GRB10: variants seen among roughly 807,000 people sequenced by gnomAD.
The protein encoded by GRB10 is growth factor receptor bound protein 10.
Under a neutral mutation model 80.9 loss-of-function variants are expected in GRB10, and 20 were observed. The observed-to-expected ratio is 0.25, with a 90% CI of 0.17 to 0.36. The LOEUF (loss-of-function observed/expected upper bound fraction) is 0.36, where lower values mean the gene tolerates loss of function less well. Ranked by LOEUF, GRB10 falls within the 10% of genes least tolerant of loss-of-function variation. The pLI is 1.00. For synonymous variants in GRB10, 291 were observed against 291.5 expected, an observed-to-expected ratio of 1.00 and a Z score of 0.02; for missense variants, 548 against 747.7, an observed-to-expected ratio of 0.73 and a Z score of 3.12.
intron 5 of GRB10, among the ~76,000 whole-genome samples, chr7:50,683,713 G>C (rs1369971452): frequency 2.6e-5 from 4 of 151,666 alleles, no homozygotes; most frequent in African/African-American, 9.7e-5. Context: ...TTCCAGCCTG[G>C]GTGACAGAGC....
chr7:50,724,036 C>T (rs1365295660), intron 4 of GRB10, among the ~76,000 whole-genome samples: 2 of 152,220 alleles, frequency 1.3e-5, no homozygotes, highest in Non-Finnish European at 2.9e-5. Context: ...TGGGAGGGCA[C>T]AGATGCTGTC....
chr7:50,615,555 G>A (rs760671926), intron 11 of GRB10, among the ~76,000 whole-genome samples: 1 of 152,182 alleles, frequency 6.6e-6, no homozygotes, highest in Non-Finnish European at 1.5e-5. Context: ...CACCTGTGCT[G>A]GGGTCCCGCC....
chr7:50,616,190 T>C lies in GRB10; in HGVS notation c.984+20A>G. 2 of 1,614,098 alleles carry C rather than the reference T, an allele frequency of 1.2e-6. No individual in the cohort carries two copies. The highest frequency in any genetic ancestry group is 3.3e-5 in the Admixed American group (2 of 60,020). Reference sequence around the variant, plus strand: ...ACTGTGGCAGAATTAGGGCTGGTGGTGGTAGCTTTTAAAGCTCACCTTTGA... The same window carrying C: ...ACTGTGGCAGAATTAGGGCTGGTGGCGGTAGCTTTTAAAGCTCACCTTTGA... On this transcript the variant is annotated intron_variant, in intron 11 of 18. Coordinates refer to ENST00000401949, the MANE Select transcript of GRB10 (RefSeq NM_001350814.2).
At chr7:50,776,935 A>C (rs2153711779) in intron 2 of GRB10, among the ~76,000 whole-genome samples, 1 of 152,304 alleles carries the variant, frequency 6.6e-6, no homozygotes, top group South Asian at 2.1e-4. Context: ...ACAGAAATTT[A>C]GGCTTTTTCT....
chr7:50,666,836 C>G (rs1055508555), intron 7 of GRB10, among the ~76,000 whole-genome samples: 1 of 152,022 alleles, frequency 6.6e-6, no homozygotes, highest in Non-Finnish European at 1.5e-5. Flanking sequence ...GACAGGAGAT[C>G]GAGACCATCC....
chr7:50,755,593 G>A (rs777061468), intron 3 of GRB10, among the ~76,000 whole-genome samples: 4 of 152,136 alleles, frequency 2.6e-5, no homozygotes, highest in Non-Finnish European at 4.4e-5. Flanking sequence ...GGAGACCAGT[G>A]AGGCCCAGAG....
rs928119494 is a variant in GRB10 at position 50,591,465 on chromosome 7, G to T, written c.*1487C>A. 1.3e-5 allele frequency: 2 copies of T among 152,238 alleles called. No individual in the cohort carries two copies. The highest frequency in any genetic ancestry group is 4.8e-5 in the African/African-American group (2 of 41,420). The allele number at this position is 152,238 out of a possible 1,614,324, so 9.4% of individuals were successfully genotyped here. On this transcript the variant is annotated 3_prime_UTR_variant, in exon 19 of 19. Transcript: ENST00000401949. ...GCCAGGCAGGTGTTGTCTTGAAAAA[G>T]GAAATCATTCTGCTCACCACAGTAG... is the stretch of plus-strand genomic sequence containing the variant.
In GRB10 at chr7:50,775,161, C is replaced by CAAAAAAAAAAAAAAAAAAAAAAAA. The variant is rs777553621; in HGVS notation, c.-217+5465_-217+5466insTTTTTTTTTTTTTTTTTTTTTTTT. 1.7e-3 allele frequency among the ~76,000 whole-genome samples: 52 copies of CAAAAAAAAAAAAAAAAAAAAAAAA among 30,996 alleles called. 10 individuals carry two copies. Among genetic ancestry groups the CAAAAAAAAAAAAAAAAAAAAAAAA allele is most frequent in the Non-Finnish European group, 2.4e-3 (37 of 15,438 alleles). The allele number at this position is 30,996 out of a possible 152,430, so 20.3% of individuals were successfully genotyped here. A position where few individuals can be genotyped will look rare whatever the true frequency, so the allele number is the denominator to read the frequency against. Reference sequence around the variant, plus strand: ...GAATGACACAGTGAGATCCTGTCTCCAAAAAAAAAAAACAAAAAAAAACAG... The same window carrying CAAAAAAAAAAAAAAAAAAAAAAAA: ...GAATGACACAGTGAGATCCTGTCTCCAAAAAAAAAAAAAAAAAAAAAAAAAAAAAAAAAAAACAAAAAAAAACAG... On this transcript the variant is annotated intron_variant, in intron 2 of 18. Coordinates refer to ENST00000401949, the MANE Select transcript of GRB10 (RefSeq NM_001350814.2).
At chr7:50,611,301 A>G (rs373073026) in intron 13 of GRB10, among the ~76,000 whole-genome samples, 16 of 152,328 alleles carry the variant, frequency 1.1e-4, no homozygotes, top group African/African-American at 3.8e-4. Context: ...GGACACAAAG[A>G]GCAATCTCAT....
intron 3 of GRB10, among the ~76,000 whole-genome samples, chr7:50,751,869 G>A (rs1158748196): frequency 6.6e-6 from 1 of 152,234 alleles, no homozygotes. Context: ...ATTAGTGAAT[G>A]GTGAGTCTTT....
intron 17 of GRB10, among the ~76,000 whole-genome samples, chr7:50,596,198 T>C (rs530337180): frequency 1.3e-5 from 2 of 152,230 alleles, no homozygotes; most frequent in Admixed American, 1.3e-4. Context: ...GGCATCAAAG[T>C]ATTGTACTGT....
At chr7:50,732,700 T>C (rs754855625) in intron 3 of GRB10, among the ~76,000 whole-genome samples, 40 of 152,192 alleles carry the variant, frequency 2.6e-4, no homozygotes, top group Non-Finnish European at 4.6e-4. Context: ...ATACCATCTA[T>C]TAACACCCTG....
At chr7:50,638,252 A>G (rs2055451927) in intron 7 of GRB10, among the ~76,000 whole-genome samples, 1 of 152,262 alleles carries the variant, frequency 6.6e-6, no homozygotes. Flanking sequence ...AAGCAATGCA[A>G]CAAGAATAAA....
intron 7 of GRB10, among the ~76,000 whole-genome samples, chr7:50,645,000 T>C (rs2056939412): frequency 6.6e-6 from 1 of 152,104 alleles, no homozygotes. Context: ...CCCAGTACCA[T>C]CTCCAGTCTG....
intron 4 of GRB10, among the ~76,000 whole-genome samples, chr7:50,711,219 T>C (rs2153675198): frequency 6.7e-6 from 1 of 148,408 alleles, no homozygotes; most frequent in South Asian, 2.1e-4. Context: ...GGATGAGAAC[T>C]GCTCCTGAGG....
In GRB10 at chr7:50,789,589, C is replaced by T. The variant is rs745523698; in HGVS notation, c.-294+3635G>A. 2.6e-4 allele frequency among the ~76,000 whole-genome samples: 40 copies of T among 152,308 alleles called. 1 individual carries two copies. The highest frequency in any genetic ancestry group is 6.8e-3 in the Middle Eastern group (2 of 294). On this transcript the variant is annotated intron_variant, in intron 1 of 16. Coordinates refer to the GRB10 transcript ENST00000335866. ...GGTGGGAGGGGTTATTCCTCCCCAG[C>T]GCCCGTTCTCAGGCTTGACGTTAAC...
intron 4 of GRB10, among the ~76,000 whole-genome samples, chr7:50,720,976 C>A (rs1374371479): frequency 2.2e-5 from 3 of 139,470 alleles, no homozygotes; most frequent in African/African-American, 8.3e-5. Flanking sequence ...CAATAAATAC[C>A]CTCTTCATCC....
chr7:50,752,316 A>T (rs79617314), intron 3 of GRB10, among the ~76,000 whole-genome samples: 7 of 152,110 alleles, frequency 4.6e-5, no homozygotes, highest in African/African-American at 1.7e-4. Flanking sequence ...ATGTCAAAAA[A>T]GGAAGGCTGA....
At chr7:50,636,462 C>T (rs113663313) in intron 7 of GRB10, among the ~76,000 whole-genome samples, 1,993 of 152,204 alleles carry the variant, frequency 0.013, 48 homozygotes, top group African/African-American at 0.046. Flanking sequence ...CTTATAAAAA[C>T]ATAGATGCAA....
Sources: allele counts gnomAD v4.1 joint callset (sites outside exome capture counted in the v4.1 genomes callset), GRCh38; gene constraint gnomAD v4.1.1; transcripts MANE v1.5; gene names NCBI Gene and HGNC (gene_info 2026-07-23, HGNC 2026-07-21).